The following TTC21A variants were observed in gnomAD, a reference collection of about 807,000 sequenced individuals.
The protein encoded by TTC21A is tetratricopeptide repeat domain 21A, also known as tetratricopeptide repeat protein 21A.
A neutral mutation model predicts 156.4 loss-of-function variants in TTC21A; 128 were observed. The ratio of observed to expected loss-of-function variants is 0.82; its 90% CI spans 0.71 to 0.95. TTC21A has a LOEUF of 0.95. TTC21A is among the 40% of genes least tolerant of loss of function. TTC21A has a pLI of 0.00. For synonymous variants in TTC21A, 587 were observed against 617.1 expected (o/e 0.95, Z 0.72); for missense variants, 1,435 against 1,602.3 (o/e 0.90, Z 1.78).
In TTC21A at chr3:39,138,436, G is replaced by A. The variant is rs769287530; in HGVS notation, c.3796+49G>A. 27 of 1,613,396 alleles carry A rather than the reference G, an allele frequency of 1.7e-5. No individual in the cohort carries two copies. The East Asian group carries it at 5.6e-4, about 33-fold the overall frequency. On this transcript the variant is annotated intron_variant, in intron 27 of 28. Transcript: ENST00000683103. Reference sequence around the variant, plus strand: ...CGTGAATGGACGTGGGAGGGAGGTGGGCAGGAGGGCCCCCACCATGACCCC... The same window carrying A: ...CGTGAATGGACGTGGGAGGGAGGTGAGCAGGAGGGCCCCCACCATGACCCC...
Position 39,121,009 on chromosome 3 carries a change from C to G in TTC21A, c.913C>G (p.Gln305Glu). 6.2e-7 allele frequency: 1 copy of G among 1,607,414 alleles called. No individual in the cohort carries two copies. Among genetic ancestry groups the G allele is most frequent in the Non-Finnish European group, 8.5e-7 (1 of 1,175,996 alleles). The change falls in exon 9 of 29, where the codon CAG becomes GAG. Residue 305 changes from glutamine (Q) to glutamate (E), a missense_variant. By Grantham distance (29) the Gln-to-Glu change is conservative. Transcript: ENST00000683103. Reference sequence around the variant, plus strand: ...CTGTTTCTTGCAGTGTGGGAGTCACCAGGTGATTCTAGGGCTAGTGTGTAG... The same window carrying G: ...CTGTTTCTTGCAGTGTGGGAGTCACGAGGTGATTCTAGGGCTAGTGTGTAG... ...IVVSRLCGSH[Q>E]VILGLVCSFI...
Position 39,135,236 on chromosome 3 carries a change from A to C in TTC21A, c.2944+62A>C, listed in dbSNP as rs368277983. 102 of 1,431,730 alleles carry C rather than the reference A, an allele frequency of 7.1e-5. 1 individual carries two copies. In the South Asian group the frequency reaches 1.1e-3, roughly 15 times the overall value. The allele number at this position is 1,431,730 out of a possible 1,614,324, so 88.7% of individuals were successfully genotyped here. On this transcript the variant is annotated intron_variant, in intron 22 of 28. Transcript: ENST00000683103. ...CACTGAGCAAGGGCCGCTCTCCCAG[A>C]GAAGGGTGGGACCTCTCCCTCCTTC...
Position 39,126,398 on chromosome 3 carries a change from G to C in TTC21A, c.1522+8G>C, listed in dbSNP as rs1275054060. ...AGGTCAGGTATTACTCAGGTGAGCG[G>C]GGGATCCTGACAGCCGGGTGGGGCC... On this transcript the variant is annotated splice_region_variant and intron_variant, in intron 12 of 28. Coordinates refer to ENST00000683103, the MANE Select transcript of TTC21A (RefSeq NM_001366900.1). 6.2e-7 allele frequency: 1 copy of C among 1,613,098 alleles called. No homozygotes were observed. Among genetic ancestry groups the C allele is most frequent in the Non-Finnish European group, 8.5e-7 (1 of 1,179,660 alleles).
At chr3:39,119,012 A>C (rs1426235872) in intron 7 of TTC21A, 1 of 152,188 alleles carries the variant, frequency 6.6e-6, no homozygotes, top group Non-Finnish European at 1.5e-5. Context: ...GAATAGGACT[A>C]TCCTCAGCTC....
intron 23 of TTC21A, 188 bp downstream of exon 23, chr3:39,136,695 A>C: frequency 1.0e-6 from 1 of 958,924 alleles, no homozygotes; most frequent in Non-Finnish European, 1.5e-6. Context: ...CAGCCTCTGG[A>C]TGGAGGCCAG....
intron 19 of TTC21A, chr3:39,131,410 G>A (rs1400279324): frequency 4.3e-6 from 1 of 233,746 alleles, no homozygotes; most frequent in African/African-American, 2.3e-5. Flanking sequence ...TCTGTGCTAG[G>A]TTCTGTAGGG....
chr3:39,128,484 T>C lies in TTC21A; in HGVS notation c.1676T>C (p.Phe559Ser). 1.9e-6 allele frequency: 3 copies of C among 1,614,134 alleles called. No homozygotes were observed. The highest frequency in any genetic ancestry group is 1.7e-6 in the Non-Finnish European group (2 of 1,180,032). ...HCLELGVSHN[F>S]QVRDHPLYHL... is the part of the protein sequence containing the mutation. ...TTAGAGCTGGGTGTCAGCCACAACTTCCAGGTGGGTGCCCTCTCATCCTCT... is the reference window on the plus strand; with the variant it reads ...TTAGAGCTGGGTGTCAGCCACAACTCCCAGGTGGGTGCCCTCTCATCCTCT... Residue 559 changes from phenylalanine to serine, a missense_variant, in exon 13 of 29, where the codon TTC becomes TCC. Coordinates refer to ENST00000683103, the MANE Select transcript of TTC21A (RefSeq NM_001366900.1).
At position 39,138,837 on chromosome 3, in the gene TTC21A, T is replaced by C; in HGVS notation, c.*49T>C. On this transcript the variant is annotated 3_prime_UTR_variant, in exon 29 of 29. Transcript: ENST00000683103. ...GTAGAAGCCATCAACCTACTGAAGTTGTGTGGAGGGATGGAAAGTGGGTCA... is the reference window on the plus strand; with the variant it reads ...GTAGAAGCCATCAACCTACTGAAGTCGTGTGGAGGGATGGAAAGTGGGTCA... 6.6e-7 allele frequency: 1 copy of C among 1,517,500 alleles called. No homozygotes were observed. The highest frequency in any genetic ancestry group is 9.1e-7 in the Non-Finnish European group (1 of 1,098,654). The allele number at this position is 1,517,500 out of a possible 1,614,324, so 94.0% of individuals were successfully genotyped here.
chr3:39,111,751 A>T (rs1008405688), intron 4 of TTC21A, among the ~76,000 whole-genome samples: 3 of 152,310 alleles, frequency 2.0e-5, no homozygotes, highest in Middle Eastern at 6.8e-3. Context: ...TTGGAAGGGG[A>T]GGGATTGATT....
In TTC21A at chr3:39,130,794, A is replaced by G. The variant is rs2038671282; in HGVS notation, c.2413A>G (p.Asn805Asp). 3 of 1,614,236 alleles carry G rather than the reference A, an allele frequency of 1.9e-6. No individual in the cohort carries two copies. Among genetic ancestry groups the G allele is most frequent in the African/African-American group, 1.3e-5 (1 of 75,058 alleles). Residue 805 changes from asparagine (N) to aspartate (D), a missense_variant, in exon 18 of 29, where the codon AAT becomes GAT. Asn to Asp is a conservative substitution (Grantham distance 23). Coordinates refer to ENST00000683103, the MANE Select transcript of TTC21A (RefSeq NM_001366900.1). The surrounding 1 kb of genome is among the most constrained non-coding windows in gnomAD (Gnocchi z 4.5). Reference sequence around the variant, plus strand: ...ACTGCTCCTGAAGTTAAAGAAGGTCAATAAAGCAGAAAAAGTTTTGAAGCA... The same window carrying G: ...ACTGCTCCTGAAGTTAAAGAAGGTCGATAAAGCAGAAAAAGTTTTGAAGCA... ...GKLLLKLKKV[N>D]KAEKVLKQAL...
rs1398323698 is a variant in TTC21A, at chr3:39,107,746, C to T, written c.-92C>T. The stretch of plus-strand genomic sequence containing the variant: ...CCAAGGACTGTAACGCCTTCAACCG[C>T]CCGCCGCGATAGAGTGCCCACGACC... On this transcript the variant is annotated 5_prime_UTR_variant, in exon 1 of 29. Transcript: ENST00000683103. 9 of 1,577,174 alleles carry T rather than the reference C, an allele frequency of 5.7e-6. No homozygotes were observed. The highest frequency in any genetic ancestry group is 7.8e-6 in the Non-Finnish European group (9 of 1,153,342).
At position 39,110,099 on chromosome 3, in the gene TTC21A, C is replaced by T. The variant is rs1285409274; in HGVS notation, c.228C>T (p.Thr76=). The T allele has an allele frequency of 6.2e-7, 1 of 1,614,142 alleles. No homozygotes were observed. Among genetic ancestry groups the T allele is most frequent in the Admixed American group, 1.7e-5 (1 of 60,026 alleles). ...RHHPDVSLCS[T]MALIYAHKRC... ...ACCCAGACGTGTCCCTGTGCTCCAC[C>T]ATGGCCCTCATTTATGCTCACAAAA... The change falls in exon 3 of 29, where the codon ACC becomes ACT. Residue 76 remains threonine (T), a synonymous_variant. Transcript: ENST00000683103.
chr3:39,136,490 C>T lies in TTC21A; in HGVS notation c.3078C>T (p.Cys1026=), dbSNP rs760220848. The change falls in exon 23 of 29, where the codon TGC becomes TGT. Residue 1026 remains cysteine (C), a synonymous_variant. Coordinates refer to ENST00000683103, the MANE Select transcript of TTC21A (RefSeq NM_001366900.1). ...CTTTGGAACCAGGGTTCAATTACTG[C>T]AGAGGTATCTACTGCTGGTGAGTTG... ...RVPLEPGFNY[C]RGIYCWHIGQ... 6 of 1,614,182 alleles carry T rather than the reference C, an allele frequency of 3.7e-6. No individual in the cohort carries two copies. The highest frequency in any genetic ancestry group is 3.4e-6 in the Non-Finnish European group (4 of 1,179,986).
chr3:39,129,940 C>A, intron 15 of TTC21A, 139 bp from the exon 16 acceptor site: 1 of 929,978 alleles, frequency 1.1e-6, no homozygotes, highest in Non-Finnish European at 1.7e-6. Context: ...GCCTCATTCA[C>A]AGTGGACTTT....
At chr3:39,108,182 T>C in intron 1 of TTC21A, 1 of 554,488 alleles carries the variant, frequency 1.8e-6, no homozygotes, top group Non-Finnish European at 3.2e-6. Flanking sequence ...AGTTGATGGC[T>C]TCACCATTTA....
chr3:39,136,662 C>T lies in TTC21A; in HGVS notation c.3095+155C>T, dbSNP rs1458128548. On this transcript the variant is annotated intron_variant, in intron 23 of 28. Transcript: ENST00000683103. ...GGCCCATGGGGGCAGGGGTGGAACC[C>T]TGTGGAAGTCAGGGAGAGCCTGCAG... 2.7e-6 allele frequency: 3 copies of T among 1,092,158 alleles called. No individual in the cohort carries two copies. The East Asian group carries it at 7.6e-5, about 27-fold the overall frequency. The allele number at this position is 1,092,158 out of a possible 1,614,324, so 67.7% of individuals were successfully genotyped here.
In TTC21A at chr3:39,118,436, G is replaced by T. The variant is rs148780279; in HGVS notation, c.801+283G>T. The T allele has an allele frequency of 2.2e-5, 11 of 507,470 alleles. No homozygotes were observed. In the South Asian group the frequency reaches 2.3e-4, roughly 11 times the overall value. The allele number at this position is 507,470 out of a possible 1,614,324, so 31.4% of individuals were successfully genotyped here. ...GCAGGTGTCCCCACCTGGATAAGCC[G>T]CAGGCTTCCTGTTTGTAAAATAGAC... On this transcript the variant is annotated intron_variant, in intron 7 of 28. Transcript: ENST00000683103.
Position 39,130,686 on chromosome 3 carries a change from A to G in TTC21A, c.2320-15A>G. On this transcript the variant is annotated splice_polypyrimidine_tract_variant and intron_variant, in intron 17 of 28. Transcript: ENST00000683103. This position sits in a 1 kb window ranked among gnomAD's most constrained non-coding sequence, Gnocchi z 4.5. ...AGAACCAGGCCAGAGGCTAATATTT[A>G]CTGTTTGCACTAAGGCAATTGAGTA... is the stretch of plus-strand genomic sequence containing the variant. 6.2e-7 allele frequency: 1 copy of G among 1,613,880 alleles called. No homozygotes were observed. Among genetic ancestry groups the G allele is most frequent in the Middle Eastern group, 1.7e-4 (1 of 6,060 alleles).
At chr3:39,122,841 A>G (rs560451447) in intron 9 of TTC21A, among the ~76,000 whole-genome samples, 1 of 152,344 alleles carries the variant, frequency 6.6e-6, no homozygotes, top group African/African-American at 2.4e-5. Context: ...TAGCCAGAGG[A>G]AAGTCCACTG....
Sources: gnomAD v4.1 joint callset for allele counts (sites outside exome capture counted in the v4.1 genomes callset) on GRCh38, gnomAD v4.1.1 for gene constraint, Gnocchi (gnomAD v3.1) non-coding constraint, MANE v1.5 for transcripts, NCBI Gene and HGNC (gene_info 2026-07-23, HGNC 2026-07-21) for gene names.